Variants in GABRB1 observed in about 807,000 individuals in gnomAD.
GABRB1 encodes gamma-aminobutyric acid type A receptor subunit beta1, also known as gamma-aminobutyric acid receptor subunit beta-1.
A neutral mutation model predicts 51.6 loss-of-function variants in GABRB1; 17 were observed. That is an observed-to-expected ratio of 0.33 (90% CI 0.23 to 0.49). The LOEUF (loss-of-function observed/expected upper bound fraction) is 0.49. Among genes scored for constraint, GABRB1 ranks in the 20% least tolerant of loss-of-function variants. The pLI is 0.99. For missense variants in GABRB1, 410 were observed against 600.6 expected (o/e 0.68, Z 3.32); for synonymous variants, 247 against 218.9 (o/e 1.13, Z -1.14).
Position 47,242,623 on chromosome 4 carries a change from T to G in GABRB1, c.462-77504T>G, listed in dbSNP as rs888662548. 9.2e-5 allele frequency among the ~76,000 whole-genome samples: 14 copies of G among 152,362 alleles called. 1 individual carries two copies. Among genetic ancestry groups the G allele is most frequent in the Admixed American group, 7.2e-4 (11 of 15,304 alleles). On this transcript the variant is annotated intron_variant, in intron 4 of 8. Coordinates refer to ENST00000295454, the MANE Select transcript of GABRB1 (RefSeq NM_000812.4). ...ATCTCATTGTGGTTTTGATTTACAT[T>G]TCTCTGATGGCCAGTGATGATGAGC...
At chr4:47,039,812 C>G (rs1016503032) in intron 3 of GABRB1, among the ~76,000 whole-genome samples, 1 of 152,060 alleles carries the variant, frequency 6.6e-6, no homozygotes, top group African/African-American at 2.4e-5. Flanking sequence ...ATTCCTATTG[C>G]GAAAACTTAA....
At chr4:47,284,029 C>A (rs548059335) in intron 4 of GABRB1, among the ~76,000 whole-genome samples, 1 of 137,104 alleles carries the variant, frequency 7.3e-6, no homozygotes, top group Non-Finnish European at 1.5e-5. Flanking sequence ...ACCCGGGAGG[C>A]GGAGCTTGCA....
intron 3 of GABRB1, among the ~76,000 whole-genome samples, chr4:47,136,566 T>G (rs962771337): frequency 2.0e-5 from 3 of 152,070 alleles, no homozygotes; most frequent in Non-Finnish European, 4.4e-5. Context: ...CTGCTAAATT[T>G]GTCTAGAAGA....
chr4:47,218,581 A>T (rs1467249612), intron 4 of GABRB1, among the ~76,000 whole-genome samples: 1 of 151,738 alleles, frequency 6.6e-6, no homozygotes, highest in Non-Finnish European at 1.5e-5. Flanking sequence ...TTCTCTGATG[A>T]TTATTAATGC....
At chr4:47,366,928 T>C (rs1011225811) in intron 5 of GABRB1, among the ~76,000 whole-genome samples, 3 of 152,198 alleles carry the variant, frequency 2.0e-5, no homozygotes, top group African/African-American at 7.2e-5. Flanking sequence ...TGACATTATG[T>C]GTGGCATATT....
chr4:47,005,505 C>G (rs543133222), intron 1 of GABRB1, among the ~76,000 whole-genome samples: 2 of 152,094 alleles, frequency 1.3e-5, no homozygotes, highest in Admixed American at 1.3e-4. Flanking sequence ...GCTGAAAATG[C>G]AGCAAACCTG....
intron 1 of GABRB1, among the ~76,000 whole-genome samples, chr4:47,001,688 TTGGGTTTACCAACCCCTG>T (rs1337687156): frequency 6.6e-6 from 1 of 152,214 alleles, no homozygotes; most frequent in African/African-American, 2.4e-5. Context: ...CCTGCAGATT[TTGGGTTTACCAACCCCTG>T]TAATTGTGTG....
At chr4:47,013,331 T>C (rs1227373620) in intron 1 of GABRB1, among the ~76,000 whole-genome samples, 1 of 152,196 alleles carries the variant, frequency 6.6e-6, no homozygotes, top group Non-Finnish European at 1.5e-5. Context: ...GGATAATTTT[T>C]GTATTTTTAT....
intron 4 of GABRB1, among the ~76,000 whole-genome samples, chr4:47,206,724 T>C (rs1347834688): frequency 6.6e-6 from 1 of 151,894 alleles, no homozygotes; most frequent in Non-Finnish European, 1.5e-5. Context: ...CCACACAGTC[T>C]AACTCCAAAT....
At chr4:47,389,007 A>G (rs1727892945) in intron 5 of GABRB1, among the ~76,000 whole-genome samples, 1 of 152,198 alleles carries the variant, frequency 6.6e-6, no homozygotes, top group African/African-American at 2.4e-5. Flanking sequence ...AAACACACTC[A>G]CCCATCCAAA....
chr4:47,376,773 C>G (rs1727398082), intron 5 of GABRB1, among the ~76,000 whole-genome samples: 2 of 139,184 alleles, frequency 1.4e-5, no homozygotes, highest in African/African-American at 5.1e-5. Flanking sequence ...ATGGAAGAGG[C>G]AGTGACAGTA....
chr4:47,182,531 T>C (rs1305721884), intron 4 of GABRB1, among the ~76,000 whole-genome samples: 3 of 152,006 alleles, frequency 2.0e-5, no homozygotes, highest in Non-Finnish European at 4.4e-5. Flanking sequence ...TAAAATCTTA[T>C]TCCACAGCAT....
At chr4:47,137,025 C>A (rs756709505) in intron 3 of GABRB1, among the ~76,000 whole-genome samples, 10 of 151,982 alleles carry the variant, frequency 6.6e-5, no homozygotes, top group Non-Finnish European at 1.2e-4. Context: ...ACTGACTTTG[C>A]CGATATGAAA....
chr4:47,083,732 C>A (rs751623463), intron 3 of GABRB1, among the ~76,000 whole-genome samples: 16 of 152,134 alleles, frequency 1.1e-4, no homozygotes, highest in Non-Finnish European at 1.8e-4. Context: ...AATTATGGCT[C>A]CTATCTTTGG....
chr4:47,250,459 C>T (rs1195957215), intron 4 of GABRB1, among the ~76,000 whole-genome samples: 1 of 152,112 alleles, frequency 6.6e-6, no homozygotes, highest in Non-Finnish European at 1.5e-5. Context: ...ATGAATTTCC[C>T]AGGTGTTCTT....
chr4:47,002,894 C>T (rs1018704529), intron 1 of GABRB1, among the ~76,000 whole-genome samples: 9 of 152,060 alleles, frequency 5.9e-5, no homozygotes, highest in African/African-American at 1.9e-4. Flanking sequence ...AGAAGGAGAA[C>T]CTCAATGGTA....
At position 47,131,759 on chromosome 4, in the gene GABRB1, C is replaced by T. The variant is rs190514834; in HGVS notation, c.241-29490C>T. 8.5e-5 allele frequency among the ~76,000 whole-genome samples: 13 copies of T among 152,220 alleles called. No individual in the cohort carries two copies. The East Asian group carries it at 2.5e-3, about 29-fold the overall frequency. The stretch of plus-strand genomic sequence containing the variant: ...TATTTCTATTCTGCTACCAATTCTG[C>T]ATGAATTTGTGCAAATTACTGAACA... On this transcript the variant is annotated intron_variant, in intron 3 of 8. Coordinates refer to ENST00000295454, the MANE Select transcript of GABRB1 (RefSeq NM_000812.4).
chr4:47,328,576 A>G (rs1166587770), intron 5 of GABRB1, among the ~76,000 whole-genome samples: 1 of 152,250 alleles, frequency 6.6e-6, no homozygotes, highest in African/African-American at 2.4e-5. Context: ...ACAATGGAAT[A>G]CTATGCAGCC....
At chr4:47,137,203 T>C (rs1189065296) in intron 3 of GABRB1, among the ~76,000 whole-genome samples, 1 of 152,012 alleles carries the variant, frequency 6.6e-6, no homozygotes, top group Non-Finnish European at 1.5e-5. Context: ...GAAATGCAGT[T>C]GAAAGTGTGG....
Sources: gnomAD v4.1 joint callset for allele counts (sites outside exome capture counted in the v4.1 genomes callset) on GRCh38, gnomAD v4.1.1 for gene constraint, MANE v1.5 for transcripts, NCBI Gene and HGNC (gene_info 2026-07-23, HGNC 2026-07-21) for gene names.